KIAA1328: variants seen among roughly 807,000 people sequenced by gnomAD.
KIAA1328 encodes KIAA1328, also known as protein hinderin.
In KIAA1328, 52 loss-of-function variants were observed where a neutral mutation model predicts 68.1. The ratio of observed to expected loss-of-function variants is 0.76; its 90% CI spans 0.61 to 0.96. The LOEUF (loss-of-function observed/expected upper bound fraction) is 0.96, where lower values mean the gene tolerates loss of function less well. KIAA1328 is among the 40% of genes least tolerant of loss of function. KIAA1328 has a pLI of 0.00. For synonymous variants in KIAA1328, 232 were observed against 239.4 expected (o/e 0.97, Z 0.28); for missense variants, 641 against 677.6 (o/e 0.95, Z 0.60).
At chr18:36,888,649 A>G (rs2048579487) in intron 5 of KIAA1328, among the ~76,000 whole-genome samples, 2 of 152,152 alleles carry the variant, frequency 1.3e-5, no homozygotes, top group Admixed American at 1.3e-4. Flanking sequence ...TTTTTAAATG[A>G]CATTTATGGT....
chr18:36,946,573 T>G (rs1288570554), intron 5 of KIAA1328: 1 of 152,244 alleles, frequency 6.6e-6, no homozygotes, highest in African/African-American at 2.4e-5. Flanking sequence ...TTCTAAGACT[T>G]TATTCTAAAT....
chr18:37,172,722 A>G (rs1394233162), intron 8 of KIAA1328, among the ~76,000 whole-genome samples: 2 of 152,212 alleles, frequency 1.3e-5, no homozygotes, highest in Non-Finnish European at 2.9e-5. Flanking sequence ...TTGCTAGGCA[A>G]TCAGGTTTAA....
chr18:37,112,959 A>C (rs1448612889), intron 7 of KIAA1328, among the ~76,000 whole-genome samples: 1 of 152,208 alleles, frequency 6.6e-6, no homozygotes, highest in Non-Finnish European at 1.5e-5. Flanking sequence ...AGTTTAGAGA[A>C]AAAAGAGTAA....
chr18:37,133,740 T>C (rs2058579852), intron 7 of KIAA1328, among the ~76,000 whole-genome samples: 1 of 152,016 alleles, frequency 6.6e-6, no homozygotes, highest in South Asian at 2.1e-4. Context: ...TTAGCCAGGA[T>C]GGTCTCCATC....
chr18:37,038,055 C>T (rs1477963354), intron 6 of KIAA1328, among the ~76,000 whole-genome samples: 2 of 151,676 alleles, frequency 1.3e-5, no homozygotes, highest in South Asian at 2.1e-4. Context: ...GAGGTGAGAT[C>T]GTGCCACTGC....
chr18:36,953,025 A>G (rs1037369266), intron 5 of KIAA1328, among the ~76,000 whole-genome samples: 10 of 151,904 alleles, frequency 6.6e-5, no homozygotes, highest in African/African-American at 2.4e-4. Context: ...GTTTTCCTGC[A>G]ATGTTTTATT....
intron 5 of KIAA1328, among the ~76,000 whole-genome samples, chr18:36,935,916 T>A (rs1445527): frequency 0.73 from 111,524 of 152,084 alleles, 43,990 homozygotes; most frequent in South Asian, 0.89. Context: ...TCTATTATAA[T>A]TAGTCCTATC....
intron 7 of KIAA1328, among the ~76,000 whole-genome samples, chr18:37,120,835 G>A (rs1298624259): frequency 1.3e-5 from 2 of 152,164 alleles, no homozygotes; most frequent in Admixed American, 6.6e-5. Context: ...CACTTTATTA[G>A]AAAGTTTGAA....
At chr18:36,909,254 G>T (rs1240786305) in intron 5 of KIAA1328, among the ~76,000 whole-genome samples, 1 of 151,834 alleles carries the variant, frequency 6.6e-6, no homozygotes, top group Non-Finnish European at 1.5e-5. Flanking sequence ...TTTACATTAG[G>T]TATATCTCCT....
In KIAA1328 at chr18:36,994,512, C is replaced by T. The variant is rs2053315166; in HGVS notation, c.576+35077C>T. Among the ~76,000 whole-genome samples, 4 of 152,132 alleles carry T rather than the reference C, an allele frequency of 2.6e-5. No individual in the cohort carries two copies. The South Asian group carries it at 8.3e-4, about 32-fold the overall frequency. ...TGATGTGAACCCTAGGTGAGAACCA[C>T]TCATCTCATCCAACTACTTCATTTA... is the stretch of plus-strand genomic sequence containing the variant. On this transcript the variant is annotated intron_variant, in intron 6 of 9. Transcript: ENST00000280020.
intron 7 of KIAA1328, among the ~76,000 whole-genome samples, chr18:37,145,192 G>T (rs1042547260): frequency 1.3e-5 from 2 of 151,844 alleles, no homozygotes; most frequent in Admixed American, 6.6e-5. Flanking sequence ...GCAACAGGGT[G>T]AGAATCAGTC....
chr18:36,875,302 T>C (rs1477666309), intron 4 of KIAA1328, among the ~76,000 whole-genome samples: 1 of 152,198 alleles, frequency 6.6e-6, no homozygotes, highest in Non-Finnish European at 1.5e-5. Flanking sequence ...TCTTTGAGCA[T>C]GGAATGTTTT....
chr18:37,194,457 A>G (rs2059965568), intron 9 of KIAA1328, among the ~76,000 whole-genome samples: 1 of 152,218 alleles, frequency 6.6e-6, no homozygotes, highest in African/African-American at 2.4e-5. Flanking sequence ...ACATATGAAG[A>G]AAGTAATCCT....
At chr18:37,188,659 G>A (rs2059847681) in intron 9 of KIAA1328, among the ~76,000 whole-genome samples, 1 of 152,164 alleles carries the variant, frequency 6.6e-6, no homozygotes, top group African/African-American at 2.4e-5. Flanking sequence ...GTCTCCTTCA[G>A]TAAGTTTATG....
At chr18:36,917,998 G>T (rs2049772809) in intron 5 of KIAA1328, among the ~76,000 whole-genome samples, 1 of 151,634 alleles carries the variant, frequency 6.6e-6, no homozygotes. Flanking sequence ...TTTTTTTTAA[G>T]AGTTTTTATG....
intron 5 of KIAA1328, among the ~76,000 whole-genome samples, chr18:36,891,629 A>C (rs1394794226): frequency 6.6e-6 from 1 of 152,190 alleles, no homozygotes; most frequent in African/African-American, 2.4e-5. Flanking sequence ...GTGGCAGCAA[A>C]GGTCATTATT....
chr18:37,074,941 AG>A (rs1277415373), intron 7 of KIAA1328: 19 of 152,136 alleles, frequency 1.2e-4, no homozygotes, highest in Non-Finnish European at 2.1e-4. Context: ...TCCCCAATCT[AG>A]CAAGGCAGGC....
chr18:36,997,228 C>A (rs1048630748), intron 6 of KIAA1328, among the ~76,000 whole-genome samples: 1 of 152,162 alleles, frequency 6.6e-6, no homozygotes, highest in Admixed American at 6.5e-5. Context: ...AAACACTTAA[C>A]TATGAATAGT....
chr18:36,905,259 A>G (rs995497589), intron 5 of KIAA1328, among the ~76,000 whole-genome samples: 4 of 151,772 alleles, frequency 2.6e-5, no homozygotes, highest in African/African-American at 9.7e-5. Context: ...CTAGAGGCAT[A>G]CACCACCATG....
Sources: allele counts gnomAD v4.1 joint callset (sites outside exome capture counted in the v4.1 genomes callset), GRCh38; gene constraint gnomAD v4.1.1; transcripts MANE v1.5; gene names NCBI Gene and HGNC (gene_info 2026-07-23, HGNC 2026-07-21).